Variants in SLC24A3 observed in about 807,000 individuals in gnomAD.
The protein encoded by SLC24A3 is solute carrier family 24 member 3.
SLC24A3 carries 28 observed loss-of-function variants against 75.8 expected under a neutral mutation model. That is an observed-to-expected ratio of 0.37 (90% CI 0.27 to 0.51). The LOEUF is 0.51. Among genes scored for constraint, SLC24A3 ranks in the 20% least tolerant of loss-of-function variants. The pLI is 0.94. For missense variants in SLC24A3, 663 were observed against 847.8 expected (o/e 0.78, Z 2.71); for synonymous variants, 372 against 334.1 (o/e 1.11, Z -1.24).
chr20:19,288,179 A>G (rs1051781872), intron 2 of SLC24A3, among the ~76,000 whole-genome samples: 8 of 152,212 alleles, frequency 5.3e-5, no homozygotes, highest in Non-Finnish European at 1.0e-4. Flanking sequence ...ACATTCTTAC[A>G]GGTTGGGCTG....
intron 2 of SLC24A3, among the ~76,000 whole-genome samples, chr20:19,458,709 A>T (rs1987619864): frequency 6.6e-6 from 1 of 152,196 alleles, no homozygotes; most frequent in Non-Finnish European, 1.5e-5. Flanking sequence ...AAAGAAGAAT[A>T]TTCCATTTTA....
At chr20:19,549,695 A>G (rs2030660304) in intron 3 of SLC24A3, among the ~76,000 whole-genome samples, 1 of 152,140 alleles carries the variant, frequency 6.6e-6, no homozygotes, top group South Asian at 2.1e-4. Context: ...GAGGCACGAG[A>G]ATTGCTTGAA....
intron 1 of SLC24A3, among the ~76,000 whole-genome samples, chr20:19,214,395 T>C (rs1197926283): frequency 6.6e-6 from 1 of 152,216 alleles, no homozygotes; most frequent in Non-Finnish European, 1.5e-5. Context: ...ACTGACAGTC[T>C]CACTAAGGGG....
At chr20:19,635,965 C>T (rs4814875) in intron 6 of SLC24A3, among the ~76,000 whole-genome samples, 48,085 of 151,742 alleles carry the variant, frequency 0.32, 9,060 homozygotes, top group African/African-American at 0.53. Flanking sequence ...ACGGTGAAAC[C>T]CCGTCTCTGC....
intron 1 of SLC24A3, chr20:19,242,329 C>G (rs1982354115): frequency 6.6e-6 from 1 of 152,160 alleles, no homozygotes. Context: ...TTCCTTTATT[C>G]ATTAAGTCAA....
chr20:19,701,325 G>A (rs529096475), intron 15 of SLC24A3, among the ~76,000 whole-genome samples: 13 of 150,174 alleles, frequency 8.7e-5, no homozygotes, highest in Admixed American at 5.4e-4. Flanking sequence ...GAATAACCTC[G>A]TAATTTGGTG....
intron 3 of SLC24A3, among the ~76,000 whole-genome samples, chr20:19,572,372 G>A (rs1193787475): frequency 6.6e-6 from 1 of 152,026 alleles, no homozygotes; most frequent in East Asian, 1.9e-4. Flanking sequence ...GAAAAAAACA[G>A]GTCCATAACC....
intron 8 of SLC24A3, among the ~76,000 whole-genome samples, chr20:19,668,217 C>T (rs2032422989): frequency 6.6e-6 from 1 of 152,176 alleles, no homozygotes; most frequent in Non-Finnish European, 1.5e-5. Flanking sequence ...AAGTCTGTGC[C>T]ACTGGCCCTT....
At chr20:19,598,959 T>C (rs2031488045) in intron 6 of SLC24A3, among the ~76,000 whole-genome samples, 1 of 152,092 alleles carries the variant, frequency 6.6e-6, no homozygotes, top group African/African-American at 2.4e-5. Flanking sequence ...AGTTGCTATT[T>C]TTATTTTAAA....
intron 6 of SLC24A3, among the ~76,000 whole-genome samples, chr20:19,592,539 T>A (rs956537277): frequency 6.6e-6 from 1 of 152,172 alleles, no homozygotes; most frequent in African/African-American, 2.4e-5. Context: ...AATGAAGCAA[T>A]CATTTCCCTT....
intron 7 of SLC24A3, 93 bp from the exon 8 acceptor site, chr20:19,665,771 A>T: frequency 7.0e-7 from 1 of 1,437,558 alleles, no homozygotes; most frequent in Non-Finnish European, 9.3e-7. Context: ...AACAAGGTGG[A>T]TACTGCGTGC....
chr20:19,617,905 A>G (rs1013727784), intron 6 of SLC24A3, among the ~76,000 whole-genome samples: 1 of 152,188 alleles, frequency 6.6e-6, no homozygotes, highest in African/African-American at 2.4e-5. Context: ...TTTGATCTCC[A>G]ACTTCCAAGC....
In SLC24A3 at chr20:19,664,170, T is replaced by C. The variant is rs113601836; in HGVS notation, c.688-1694T>C. ...CTAATATTGAATTAACTTCAATTAA[T>C]AGAAAATGTTTTCTATCTTAAATAA... On this transcript the variant is annotated intron_variant, in intron 7 of 16. Transcript: ENST00000328041. Among the ~76,000 whole-genome samples the C allele has an allele frequency of 6.8e-3, 1,032 of 152,344 alleles. 4 individuals are homozygous for C. The highest frequency in any genetic ancestry group is 9.5e-3 in the Non-Finnish European group (643 of 68,022).
chr20:19,353,641 A>C (rs374201854), intron 2 of SLC24A3, among the ~76,000 whole-genome samples: 1 of 152,230 alleles, frequency 6.6e-6, no homozygotes, highest in Non-Finnish European at 1.5e-5. Flanking sequence ...GCAGAGGAAG[A>C]CAGAGCAAGC....
chr20:19,551,566 G>T (rs973187321), intron 3 of SLC24A3, among the ~76,000 whole-genome samples: 1 of 152,234 alleles, frequency 6.6e-6, no homozygotes, highest in Admixed American at 6.5e-5. Context: ...TGGTGGAGTT[G>T]CTATAACATG....
chr20:19,528,325 A>G (rs2030236534), intron 3 of SLC24A3, among the ~76,000 whole-genome samples: 1 of 152,050 alleles, frequency 6.6e-6, no homozygotes, highest in African/African-American at 2.4e-5. Context: ...CACTCACCAT[A>G]AGCTAGGGAC....
chr20:19,493,336 A>C (rs1988234286), intron 2 of SLC24A3, among the ~76,000 whole-genome samples: 1 of 152,202 alleles, frequency 6.6e-6, no homozygotes, highest in African/African-American at 2.4e-5. Context: ...TGGAAGACAC[A>C]CACAATTCAG....
At chr20:19,384,727 T>G (rs1481837714) in intron 2 of SLC24A3, among the ~76,000 whole-genome samples, 4 of 152,202 alleles carry the variant, frequency 2.6e-5, no homozygotes, top group Admixed American at 2.0e-4. Flanking sequence ...ATAAAGCAGT[T>G]CTCATTTTAA....
chr20:19,434,172 C>G (rs893527984), intron 2 of SLC24A3, among the ~76,000 whole-genome samples: 2 of 152,178 alleles, frequency 1.3e-5, no homozygotes, highest in Non-Finnish European at 2.9e-5. Context: ...AGATTTAGGA[C>G]TACATTTGTG....
Sources: allele counts gnomAD v4.1 joint callset (sites outside exome capture counted in the v4.1 genomes callset), GRCh38; gene constraint gnomAD v4.1.1; transcripts MANE v1.5; gene names NCBI Gene and HGNC (gene_info 2026-07-23, HGNC 2026-07-21).